Variants in NPFFR2 observed in about 807,000 individuals in gnomAD.
The protein encoded by NPFFR2 is G-protein coupled receptor 74.
NPFFR2 carries 15 observed loss-of-function variants against 13.1 expected under a neutral mutation model. The ratio of observed to expected loss-of-function variants is 1.15; its 90% CI spans 0.77 to 1.76. The LOEUF is 1.76. Among genes scored for constraint, NPFFR2 ranks in the 40% most tolerant of loss-of-function variants. NPFFR2 has a pLI of 0.00. For missense variants in NPFFR2, 572 were observed against 503.5 expected (o/e 1.14, Z -1.30); for synonymous variants, 190 against 175.7 (o/e 1.08, Z -0.65).
chr4:72,069,017 C>A, intron 1 of NPFFR2: 1 of 1,172,548 alleles, frequency 8.5e-7, no homozygotes, highest in Non-Finnish European at 1.2e-6. Flanking sequence ...AGATCAGTGA[C>A]TGCTATGTAA....
intron 1 of NPFFR2, among the ~76,000 whole-genome samples, chr4:72,064,333 C>A (rs537657176): frequency 2.0e-5 from 3 of 152,298 alleles, no homozygotes; most frequent in South Asian, 2.1e-4. Context: ...CACTTCCATG[C>A]TCACTGGTCA....
chr4:72,111,070 A>G (rs1721553572), intron 1 of NPFFR2, among the ~76,000 whole-genome samples: 2 of 152,006 alleles, frequency 1.3e-5, no homozygotes, highest in Non-Finnish European at 2.9e-5. Context: ...GCTCCAGTCA[A>G]TGTAATTCCA....
intron 1 of NPFFR2, among the ~76,000 whole-genome samples, chr4:72,040,944 TC>T (rs1435754433): frequency 1.4e-5 from 1 of 73,386 alleles, no homozygotes; most frequent in African/African-American, 3.4e-5. Flanking sequence ...ATATATATAT[TC>T]ATTTTAATTT....
intron 3 of NPFFR2, among the ~76,000 whole-genome samples, chr4:72,144,891 G>A (rs1309223786): frequency 3.3e-5 from 5 of 152,082 alleles, no homozygotes; most frequent in Non-Finnish European, 7.4e-5. Context: ...TTGCCACTTG[G>A]AATACTGAGA....
chr4:72,061,275 A>G (rs1338031397), intron 1 of NPFFR2, among the ~76,000 whole-genome samples: 1 of 152,180 alleles, frequency 6.6e-6, no homozygotes, highest in Non-Finnish European at 1.5e-5. Flanking sequence ...CCTGTCTTTC[A>G]CCTTCCAAAT....
At chr4:72,129,141 G>A (rs1281710653) in intron 2 of NPFFR2, among the ~76,000 whole-genome samples, 4 of 152,154 alleles carry the variant, frequency 2.6e-5, no homozygotes, top group African/African-American at 9.7e-5. Flanking sequence ...GAAAGTAAAA[G>A]TGATATAATA....
chr4:72,108,431 C>A (rs1721475445), intron 1 of NPFFR2, among the ~76,000 whole-genome samples: 1 of 151,924 alleles, frequency 6.6e-6, no homozygotes, highest in South Asian at 2.1e-4. Context: ...AAATAGATTT[C>A]TGGCCAGTTG....
At chr4:72,090,875 A>C (rs1394285476) in intron 1 of NPFFR2, among the ~76,000 whole-genome samples, 1 of 151,984 alleles carries the variant, frequency 6.6e-6, no homozygotes, top group Non-Finnish European at 1.5e-5. Flanking sequence ...GAAGTGGTGA[A>C]AGTGGGCATC....
chr4:72,102,567 T>A (rs1721285172), intron 1 of NPFFR2, among the ~76,000 whole-genome samples: 1 of 124,752 alleles, frequency 8.0e-6, no homozygotes, highest in Non-Finnish European at 1.6e-5. Context: ...GATGTTCCCC[T>A]TCCTGTGTCC....
At chr4:72,131,633 A>G (rs1560421025) in intron 2 of NPFFR2, among the ~76,000 whole-genome samples, 1 of 152,066 alleles carries the variant, frequency 6.6e-6, no homozygotes, top group Non-Finnish European at 1.5e-5. Flanking sequence ...ATTTAACATT[A>G]TAACATTATA....
At chr4:72,049,255 G>A (rs1229422369) in intron 1 of NPFFR2, among the ~76,000 whole-genome samples, 2 of 152,078 alleles carry the variant, frequency 1.3e-5, no homozygotes, top group Non-Finnish European at 2.9e-5. Flanking sequence ...ATATTAAATA[G>A]CATCTTTTGC....
chr4:72,032,330 CCTAATT>C, intron 1 of NPFFR2, 130 bp downstream of exon 1: 1 of 1,043,282 alleles, frequency 9.6e-7, no homozygotes, highest in Non-Finnish European at 1.4e-6. Flanking sequence ...CAAATCCCTT[CCTAATT>C]ACACAGGCAC....
At chr4:72,094,785 C>A (rs912380561) in intron 1 of NPFFR2, among the ~76,000 whole-genome samples, 2 of 152,216 alleles carry the variant, frequency 1.3e-5, no homozygotes, top group Non-Finnish European at 2.9e-5. Flanking sequence ...TGCTGCCCCA[C>A]AGAGCCTGCA....
intron 1 of NPFFR2, among the ~76,000 whole-genome samples, chr4:72,080,625 A>G (rs1037726489): frequency 3.3e-5 from 5 of 152,144 alleles, no homozygotes; most frequent in South Asian, 2.1e-4. Context: ...CCTCAATTTC[A>G]GCTGAGATCC....
At chr4:72,124,695 T>A (rs140068021) in intron 1 of NPFFR2, among the ~76,000 whole-genome samples, 10,676 of 152,160 alleles carry the variant, frequency 0.07, 1,142 homozygotes, top group African/African-American at 0.23. Flanking sequence ...ACTTAATAAA[T>A]GGTGCTGGGA....
chr4:72,071,438 G>A (rs532404906), intron 1 of NPFFR2, among the ~76,000 whole-genome samples: 7 of 152,274 alleles, frequency 4.6e-5, no homozygotes, highest in East Asian at 3.9e-4. Context: ...GGAAGATGGT[G>A]CAGCATAAAG....
At chr4:72,032,349 G>T (rs1718948262) in intron 1 of NPFFR2, 149 bp downstream of exon 1, 2 of 890,586 alleles carry the variant, frequency 2.2e-6, no homozygotes, top group South Asian at 1.8e-5. Flanking sequence ...ACAGGCACCC[G>T]CTTGGTCACT....
intron 1 of NPFFR2, among the ~76,000 whole-genome samples, chr4:72,093,224 A>G (rs956351139): frequency 1.3e-5 from 2 of 152,158 alleles, no homozygotes; most frequent in Non-Finnish European, 2.9e-5. Context: ...GTTTTCCTTT[A>G]TAGTTTACCT....
At position 72,128,717 on chromosome 4, in the gene NPFFR2, TC is replaced by T. The variant is rs775114444; in HGVS notation, c.127del (p.Gln43LysfsTer12). 8 of 1,614,150 alleles carry T rather than the reference TC, an allele frequency of 5.0e-6. No homozygotes were observed. The highest frequency in any genetic ancestry group is 6.8e-6 in the Non-Finnish European group (8 of 1,179,998). On this transcript the variant is annotated frameshift_variant, in exon 2 of 4. Transcript: ENST00000308744. LOFTEE classifies it high-confidence loss of function. ...TYVNYYLHQP[Q>X]VAAIFIISYF... ...ATGTGAACTACTATCTTCACCAGCCTCAAGTGGCAGCAATCTTCATTATTTC... is the reference window on the plus strand; with the variant it reads ...ATGTGAACTACTATCTTCACCAGCCTAAGTGGCAGCAATCTTCATTATTTC...
Sources: allele counts gnomAD v4.1 joint callset (sites outside exome capture counted in the v4.1 genomes callset), GRCh38; gene constraint gnomAD v4.1.1; transcripts MANE v1.5; gene names NCBI Gene and HGNC (gene_info 2026-07-23, HGNC 2026-07-21).